Variants in CTNND2 observed in about 807,000 individuals in gnomAD.
The protein encoded by CTNND2 is catenin delta 2, also known as catenin delta-2.
CTNND2 carries 22 observed loss-of-function variants against 144.4 expected under a neutral mutation model. The ratio of observed to expected loss-of-function variants is 0.15; its 90% CI spans 0.11 to 0.22. The LOEUF is 0.22. Among genes scored for constraint, CTNND2 ranks in the 10% least tolerant of loss-of-function variants. CTNND2 has a pLI of 1.00. For missense variants in CTNND2, 1,353 were observed against 1,618.8 expected, an observed-to-expected ratio of 0.84 and a Z score of 2.82; for synonymous variants, 751 against 695.6, an observed-to-expected ratio of 1.08 and a Z score of -1.25.
chr5:11,440,300 T>C (rs1764151881), intron 3 of CTNND2, among the ~76,000 whole-genome samples: 1 of 152,224 alleles, frequency 6.6e-6, no homozygotes, highest in Admixed American at 6.5e-5. Flanking sequence ...CACCTTATCT[T>C]AAACTCAAAA....
At chr5:11,240,687 GCACA>G (rs751351502) in intron 9 of CTNND2, among the ~76,000 whole-genome samples, 20 of 104,258 alleles carry the variant, frequency 1.9e-4, no homozygotes, top group Non-Finnish European at 3.0e-4. Context: ...CATCCAACAT[GCACA>G]CAGACACCCA....
chr5:11,329,914 C>A (rs1328917995), intron 9 of CTNND2, among the ~76,000 whole-genome samples: 1 of 152,132 alleles, frequency 6.6e-6, no homozygotes, highest in Non-Finnish European at 1.5e-5. Flanking sequence ...TCTTTCATAC[C>A]CCTCTGGAAA....
chr5:11,475,945 A>C (rs990120538), intron 3 of CTNND2, among the ~76,000 whole-genome samples: 1 of 151,258 alleles, frequency 6.6e-6, no homozygotes, highest in African/African-American at 2.4e-5. Flanking sequence ...TGCAGCCTTG[A>C]CCTCCCCAGG....
intron 1 of CTNND2, among the ~76,000 whole-genome samples, chr5:11,774,555 A>AAAT (rs1790137686): frequency 6.8e-6 from 1 of 147,314 alleles, no homozygotes; most frequent in Non-Finnish European, 1.5e-5. Flanking sequence ...TATAATAAAA[A>AAAT]AAAATTAAAA....
intron 3 of CTNND2, among the ~76,000 whole-genome samples, chr5:11,421,305 C>A (rs1762343517): frequency 1.3e-5 from 2 of 152,236 alleles, no homozygotes; most frequent in African/African-American, 4.8e-5. Flanking sequence ...CATGCCCAAC[C>A]CCTTCATTCA....
At chr5:11,129,113 A>T (rs1283041280) in intron 12 of CTNND2, among the ~76,000 whole-genome samples, 2 of 21,412 alleles carry the variant, frequency 9.3e-5, no homozygotes, top group Admixed American at 8.0e-4. Flanking sequence ...AAATATATAT[A>T]TTATATATAA....
chr5:11,884,901 T>G (rs1006390155), intron 1 of CTNND2, among the ~76,000 whole-genome samples: 1 of 151,144 alleles, frequency 6.6e-6, no homozygotes, highest in Non-Finnish European at 1.5e-5. Context: ...ATGTTTTTCT[T>G]CATCTATTGA....
intron 3 of CTNND2, among the ~76,000 whole-genome samples, chr5:11,468,080 C>T (rs998306891): frequency 4.6e-5 from 7 of 152,156 alleles, no homozygotes; most frequent in Admixed American, 2.6e-4. Context: ...GCAAGTGTTA[C>T]TGTAATCTAC....
chr5:11,758,081 T>C (rs138517765), intron 1 of CTNND2, among the ~76,000 whole-genome samples: 1 of 152,106 alleles, frequency 6.6e-6, no homozygotes, highest in African/African-American at 2.4e-5. Flanking sequence ...TACAAAACAA[T>C]ACACATTAGT....
chr5:11,615,643 T>A (rs1780544116), intron 2 of CTNND2, among the ~76,000 whole-genome samples: 2 of 152,084 alleles, frequency 1.3e-5, no homozygotes, highest in African/African-American at 4.8e-5. Flanking sequence ...AAAAATCACA[T>A]GAGTTGGAGG....
intron 9 of CTNND2, among the ~76,000 whole-genome samples, chr5:11,243,983 T>A (rs1360009552): frequency 2.0e-5 from 3 of 152,220 alleles, no homozygotes; most frequent in Admixed American, 2.0e-4. Context: ...ATAATTTTAA[T>A]CCTTTAGAAA....
rs550986568 is a variant in CTNND2 at position 11,423,056 on chromosome 5, T to A, written c.288-10987A>T. On this transcript the variant is annotated intron_variant, in intron 3 of 21. Transcript: ENST00000304623. ...ACCAACTATGTTAGAAAATAATGTA[T>A]CATAGTATCTTTGCCAGTGGGCATT... Among the ~76,000 whole-genome samples, 4 of 152,364 alleles carry A rather than the reference T, an allele frequency of 2.6e-5. No individual in the cohort carries two copies. In the East Asian group the frequency reaches 7.7e-4, roughly 29 times the overall value.
chr5:11,171,121 C>T (rs985461404), intron 11 of CTNND2, among the ~76,000 whole-genome samples: 5 of 152,142 alleles, frequency 3.3e-5, no homozygotes, highest in Admixed American at 2.6e-4. Flanking sequence ...TACTGTTGCT[C>T]TATCATAATA....
At chr5:11,313,406 C>T (rs1751189605) in intron 9 of CTNND2, among the ~76,000 whole-genome samples, 1 of 152,220 alleles carries the variant, frequency 6.6e-6, no homozygotes, top group South Asian at 2.1e-4. Flanking sequence ...CCGAGATCCT[C>T]TTCCAAGTCC....
At chr5:11,054,065 A>G (rs756276982) in intron 16 of CTNND2, among the ~76,000 whole-genome samples, 3 of 152,234 alleles carry the variant, frequency 2.0e-5, no homozygotes, top group Admixed American at 6.5e-5. Flanking sequence ...TATACTGAAA[A>G]TGCTTAATCT....
intron 1 of CTNND2, among the ~76,000 whole-genome samples, chr5:11,872,632 C>T (rs1735228332): frequency 6.6e-6 from 1 of 151,884 alleles, no homozygotes; most frequent in African/African-American, 2.4e-5. Flanking sequence ...CTCAAATGAC[C>T]AGTGATGATG....
At chr5:11,671,283 T>C (rs570829506) in intron 2 of CTNND2, among the ~76,000 whole-genome samples, 104 of 152,232 alleles carry the variant, frequency 6.8e-4, no homozygotes, top group Non-Finnish European at 9.3e-4. Context: ...GGAACATCTT[T>C]GTGGTGTTCT....
chr5:11,818,867 G>A (rs992642438), intron 1 of CTNND2, among the ~76,000 whole-genome samples: 1 of 152,178 alleles, frequency 6.6e-6, no homozygotes, highest in African/African-American at 2.4e-5. Flanking sequence ...TTGGATTATA[G>A]CGGGTTTCCT....
chr5:11,427,359 C>T (rs10474676), intron 3 of CTNND2, among the ~76,000 whole-genome samples: 2 of 148,386 alleles, frequency 1.3e-5, no homozygotes, highest in Non-Finnish European at 3.0e-5. Flanking sequence ...CTCACTGGAA[C>T]CTTTGCCTCC....
Sources: allele counts gnomAD v4.1 joint callset (sites outside exome capture counted in the v4.1 genomes callset), GRCh38; gene constraint gnomAD v4.1.1; transcripts MANE v1.5; gene names NCBI Gene and HGNC (gene_info 2026-07-23, HGNC 2026-07-21).